Variants in TFDP1 observed in about 807,000 individuals in gnomAD.
The protein encoded by TFDP1 is transcription factor Dp-1, also known as DRTF1-polypeptide 1.
TFDP1 carries 6 observed loss-of-function variants against 48.0 expected under a neutral mutation model. That is an observed-to-expected ratio of 0.13 (90% confidence interval 0.07 to 0.25). The LOEUF is 0.25. Ranked by LOEUF, TFDP1 falls within the 10% of genes least tolerant of loss-of-function variation. The pLI is 1.00. For missense variants in TFDP1, 335 were observed against 543.0 expected (o/e 0.62, Z 3.81); for synonymous variants, 201 against 211.6 (o/e 0.95, Z 0.44).
chr13:113,622,423 G>A (rs755589792), intron 3 of TFDP1, among the ~76,000 whole-genome samples: 2 of 152,154 alleles, frequency 1.3e-5, no homozygotes, highest in Non-Finnish European at 2.9e-5. Context: ...CGCCCCTCCC[G>A]GGCTGTGCTG....
At position 113,585,815 on chromosome 13, in the gene TFDP1, A is replaced by G. The variant is rs747837650; in HGVS notation, c.-23A>G. 4.4e-6 allele frequency: 7 copies of G among 1,587,278 alleles called. No individual in the cohort carries two copies. The highest frequency in any genetic ancestry group is 1.7e-5 in the Admixed American group (1 of 59,324). On this transcript the variant is annotated 5_prime_UTR_variant, in exon 2 of 12. Transcript: ENST00000375370. ...CTCTGGGAAGGTGAACATTTGTAGC[A>G]TTGATTTCCCGGATCTGGTAACATG...
chr13:113,603,420 AC>A (rs140506558), intron 2 of TFDP1, among the ~76,000 whole-genome samples: 318 of 152,292 alleles, frequency 2.1e-3, no homozygotes, highest in African/African-American at 6.6e-3. Context: ...GGTTGTGAGA[AC>A]CGTGGTCACC....
In TFDP1 at chr13:113,640,315, G is replaced by T; in HGVS notation, c.*48G>T. The stretch of plus-strand genomic sequence containing the variant: ...GCTTCAGGAAAACGTTTAGCGAAAA[G>T]AAACTTTTTTTTTAATGTGGGTTTT... On this transcript the variant is annotated 3_prime_UTR_variant, in exon 12 of 12. Coordinates refer to ENST00000375370, the MANE Select transcript of TFDP1 (RefSeq NM_007111.5). The T allele has an allele frequency of 1.3e-6, 2 of 1,562,550 alleles. No individual in the cohort carries two copies. The highest frequency in any genetic ancestry group is 8.6e-7 in the Non-Finnish European group (1 of 1,156,786).
intron 3 of TFDP1, among the ~76,000 whole-genome samples, chr13:113,620,840 G>C (rs2048978702): frequency 6.6e-6 from 1 of 152,186 alleles, no homozygotes. Flanking sequence ...TTCCAGAAGA[G>C]AATTTTAAAT....
chr13:113,629,178 G>A (rs968615789), intron 4 of TFDP1, among the ~76,000 whole-genome samples: 32 of 152,340 alleles, frequency 2.1e-4, no homozygotes, highest in African/African-American at 7.0e-4. Flanking sequence ...GCAGAGGAAG[G>A]TGCAGGCACC....
At chr13:113,635,915 C>G in intron 8 of TFDP1, 62 bp from the exon 9 acceptor site, 10 of 1,564,532 alleles carry the variant, frequency 6.4e-6, no homozygotes, top group Non-Finnish European at 8.7e-6. Flanking sequence ...GAGGACCCCT[C>G]GAGCACAGGG....
chr13:113,624,610 A>G (rs1294414990), intron 4 of TFDP1, among the ~76,000 whole-genome samples: 69 of 98,828 alleles, frequency 7.0e-4, no homozygotes, highest in African/African-American at 2.6e-3. Flanking sequence ...GTCTCAGGGT[A>G]TCTCTCACAT....
chr13:113,592,959 GCT>G, intron 2 of TFDP1, among the ~76,000 whole-genome samples: 3 of 150,288 alleles, frequency 2.0e-5, no homozygotes, highest in African/African-American at 7.4e-5. Context: ...CGTGCTGTGT[GCT>G]GGTTCTCAGC....
At chr13:113,595,527 C>T (rs183720395) in intron 2 of TFDP1, among the ~76,000 whole-genome samples, 3 of 152,308 alleles carry the variant, frequency 2.0e-5, no homozygotes, top group African/African-American at 7.2e-5. Context: ...GAGTTAGGAG[C>T]GCTCTTCCTG....
intron 11 of TFDP1, among the ~76,000 whole-genome samples, 179 bp from the exon 12 acceptor site, chr13:113,639,941 G>A (rs1222681652): frequency 6.6e-6 from 1 of 152,266 alleles, no homozygotes; most frequent in Admixed American, 6.5e-5. Context: ...CAGAGATGGA[G>A]TAAGTGCCAG....
Position 113,589,040 on chromosome 13 carries a change from A to G in TFDP1, c.12+3191A>G, listed in dbSNP as rs77854133. Reference sequence around the variant, plus strand: ...TGTGGTGATGGTGTTGTGGGTGGAGAGTGAGTGGCGGTGCTGGAGTGGGTG... The same window carrying G: ...TGTGGTGATGGTGTTGTGGGTGGAGGGTGAGTGGCGGTGCTGGAGTGGGTG... On this transcript the variant is annotated intron_variant, in intron 2 of 11. Coordinates refer to ENST00000375370, the MANE Select transcript of TFDP1 (RefSeq NM_007111.5). Among the ~76,000 whole-genome samples the G allele has an allele frequency of 6.2e-3, 941 of 151,298 alleles. 31 individuals are homozygous for G. In the East Asian group the frequency reaches 0.11, roughly 17 times the overall value.
intron 11 of TFDP1, 57 bp downstream of exon 11, chr13:113,637,953 G>A: frequency 1.3e-6 from 2 of 1,588,662 alleles, no homozygotes; most frequent in East Asian, 2.2e-5. Context: ...CGGGGTCCAG[G>A]GGCCAAGGCA....
At chr13:113,640,062 G>T (rs966021468) in intron 11 of TFDP1, 58 bp from the exon 12 acceptor site, 1 of 1,291,324 alleles carries the variant, frequency 7.7e-7, no homozygotes, top group Non-Finnish European at 1.1e-6. Flanking sequence ...GCCCTGAGGC[G>T]GGGGGAGGCT....
Position 113,610,348 on chromosome 13 carries a change from CCCA to C in TFDP1, c.13-645_13-643del, listed in dbSNP as rs1452539787. Among the ~76,000 whole-genome samples the C allele has an allele frequency of 3.9e-5, 6 of 152,166 alleles. No individual in the cohort carries two copies. The East Asian group carries it at 5.8e-4, about 15-fold the overall frequency. The stretch of plus-strand genomic sequence containing the variant: ...GTGACTGTACTGTCATGCGTGTGCC[CCCA>C]CCGTGTGCTGTACCATCACACGTGT... On this transcript the variant is annotated intron_variant, in intron 2 of 11. Coordinates refer to ENST00000375370, the MANE Select transcript of TFDP1 (RefSeq NM_007111.5).
chr13:113,632,230 A>ACT (rs1339581961), intron 5 of TFDP1, among the ~76,000 whole-genome samples: 1 of 152,246 alleles, frequency 6.6e-6, no homozygotes, highest in Non-Finnish European at 1.5e-5. Flanking sequence ...AAAAACACAC[A>ACT]CACGCAAAGC....
chr13:113,626,084 CCTCAGGTGTTT>C (rs201069271), intron 4 of TFDP1, among the ~76,000 whole-genome samples: 25 of 141,338 alleles, frequency 1.8e-4, no homozygotes, highest in Non-Finnish European at 2.4e-4. Context: ...TCTCACGTGT[CCTCAGGTGTTT>C]CTCAGGTGTC....
At chr13:113,588,427 G>A (rs1327640744) in intron 2 of TFDP1, among the ~76,000 whole-genome samples, 4 of 152,220 alleles carry the variant, frequency 2.6e-5, no homozygotes, top group Non-Finnish European at 5.9e-5. Context: ...CAACTCCGGA[G>A]CTTCCAACCT....
Position 113,611,076 on chromosome 13 carries a change from T to C in TFDP1, c.79+14T>C, listed in dbSNP as rs1566653053. 5 of 1,610,918 alleles carry C rather than the reference T, an allele frequency of 3.1e-6. No individual in the cohort carries two copies. Among genetic ancestry groups the C allele is most frequent in the Non-Finnish European group, 4.2e-6 (5 of 1,177,110 alleles). On this transcript the variant is annotated intron_variant, in intron 3 of 11. Coordinates refer to ENST00000375370, the MANE Select transcript of TFDP1 (RefSeq NM_007111.5). ...GTCCCGGGAAAGGTAAGGGCACCTG[T>C]TCTGGACACACTCTTGTGTTGATGA...
rs2049396239 is a variant in TFDP1 at position 113,633,607 on chromosome 13, G to C, written c.475-283G>C. 6.6e-6 allele frequency among the ~76,000 whole-genome samples: 1 copy of C among 152,216 alleles called. No individual in the cohort carries two copies. The highest frequency in any genetic ancestry group is 1.5e-5 in the Non-Finnish European group (1 of 68,054). The stretch of plus-strand genomic sequence containing the variant: ...TCAACTCCAGTGAGTGAGCACGTGG[G>C]CTGGCTCTGCACGTCTAGCGGCCCA... On this transcript the variant is annotated intron_variant, in intron 6 of 11. Coordinates refer to ENST00000375370, the MANE Select transcript of TFDP1 (RefSeq NM_007111.5). The surrounding 1 kb of genome is among the most constrained non-coding windows in gnomAD (Gnocchi z 4.5).
Sources: allele counts gnomAD v4.1 joint callset (sites outside exome capture counted in the v4.1 genomes callset), GRCh38; gene constraint gnomAD v4.1.1; non-coding constraint Gnocchi (gnomAD v3.1); transcripts MANE v1.5; gene names NCBI Gene and HGNC (gene_info 2026-07-23, HGNC 2026-07-21).